NTNG2: variants seen among roughly 807,000 people sequenced by gnomAD.
NTNG2 encodes netrin-G2.
NTNG2 carries 15 observed loss-of-function variants against 47.6 expected under a neutral mutation model. The ratio of observed to expected loss-of-function variants is 0.32; its 90% CI spans 0.21 to 0.49. The LOEUF (loss-of-function observed/expected upper bound fraction) is 0.49, where lower values mean the gene tolerates loss of function less well. NTNG2 is among the 20% of genes least tolerant of loss of function. The pLI is 0.99. For missense variants in NTNG2, 578 were observed against 764.6 expected, an observed-to-expected ratio of 0.76 and a Z score of 2.88; for synonymous variants, 307 against 324.6, an observed-to-expected ratio of 0.95 and a Z score of 0.58.
rs1253592812 is a variant in NTNG2 at position 132,218,609 on chromosome 9, G to T, written c.858-8240G>T. On this transcript the variant is annotated intron_variant, in intron 3 of 7. Coordinates refer to ENST00000393229, the MANE Select transcript of NTNG2 (RefSeq NM_032536.4). This position sits in a 1 kb window ranked among gnomAD's most constrained non-coding sequence, Gnocchi z 5.4. ...CCTGTTGGGTTCAAGCGATCCTCCT[G>T]CCTCAGCCTCCCGAGTAGCTGGGAT... 6.6e-6 allele frequency among the ~76,000 whole-genome samples: 1 copy of T among 152,046 alleles called. No individual in the cohort carries two copies. The highest frequency in any genetic ancestry group is 1.9e-4 in the East Asian group (1 of 5,180).
chr9:132,240,400 G>A (rs957292511), intron 6 of NTNG2, among the ~76,000 whole-genome samples: 16 of 152,340 alleles, frequency 1.1e-4, no homozygotes, highest in Admixed American at 5.9e-4. Context: ...GTTTCTCAGG[G>A]TGGACGATAT....
At chr9:132,174,540 C>G (rs936998944) in intron 2 of NTNG2, among the ~76,000 whole-genome samples, 5 of 152,214 alleles carry the variant, frequency 3.3e-5, no homozygotes, top group African/African-American at 1.2e-4. Flanking sequence ...GGGCATGGCG[C>G]TGGACACAAC....
chr9:132,177,064 A>G (rs1836516850), intron 2 of NTNG2, among the ~76,000 whole-genome samples: 1 of 152,198 alleles, frequency 6.6e-6, no homozygotes, highest in Admixed American at 6.5e-5. Context: ...ATCTTGGCTC[A>G]CTGCAACCTT....
At chr9:132,185,186 G>A (rs1182785130) in intron 2 of NTNG2, among the ~76,000 whole-genome samples, 1 of 152,198 alleles carries the variant, frequency 6.6e-6, no homozygotes, top group Non-Finnish European at 1.5e-5. Context: ...TTCACTCTCA[G>A]CCCATCCGGA....
In NTNG2 at chr9:132,198,391, C is replaced by T. The variant is rs371305436; in HGVS notation, c.639C>T (p.Phe213=). ...AGSKKEKHVR[F]EVRDRFAIFA... is the part of the protein sequence containing the mutation. ...CCAAGAAGGAGAAGCACGTGCGCTTCGAGGTGCGGGACCGCTTCGCCATCT... is the reference window on the plus strand; with the variant it reads ...CCAAGAAGGAGAAGCACGTGCGCTTTGAGGTGCGGGACCGCTTCGCCATCT... The change falls in exon 3 of 8, where the codon TTC becomes TTT. Residue 213 remains phenylalanine, a synonymous_variant. Transcript: ENST00000393229. 14 of 1,613,030 alleles carry T rather than the reference C, an allele frequency of 8.7e-6. No individual in the cohort carries two copies. The highest frequency in any genetic ancestry group is 1.7e-5 in the Admixed American group (1 of 60,010).
At chr9:132,240,501 A>C in intron 6 of NTNG2, 2 of 285,486 alleles carry the variant, frequency 7.0e-6, no homozygotes, top group Non-Finnish European at 1.4e-5. Flanking sequence ...CAAAGGAGCT[A>C]TGGAGGGGGG....
At chr9:132,161,887 G>A (rs1036305741), upstream of NTNG2, 120 of 149,914 alleles carry the variant, frequency 8.0e-4, 1 homozygote, top group African/African-American at 2.8e-3. This position sits in a 1 kb window ranked among gnomAD's most constrained non-coding sequence, Gnocchi z 7.2. Flanking sequence ...GCCCGAGCGC[G>A]GGTCCTCCCC....
intron 2 of NTNG2, among the ~76,000 whole-genome samples, chr9:132,196,183 T>A (rs1838300704): frequency 6.6e-6 from 1 of 152,008 alleles, no homozygotes; most frequent in Non-Finnish European, 1.5e-5. Context: ...TTTTGTTTTG[T>A]TTTTGTTTGT....
rs1838397356 is a variant in NTNG2, at chr9:132,197,470, T to C, written c.214-496T>C. Among the ~76,000 whole-genome samples, 1 of 152,064 alleles carries C rather than the reference T, an allele frequency of 6.6e-6. No individual in the cohort carries two copies. Among genetic ancestry groups the C allele is most frequent in the Non-Finnish European group, 1.5e-5 (1 of 68,004 alleles). On this transcript the variant is annotated intron_variant, in intron 2 of 7. Transcript: ENST00000393229. The surrounding 1 kb of genome is among the most constrained non-coding windows in gnomAD (Gnocchi z 4.3). ...AAGGAGATATTTAGAGAGTCGAGAA[T>C]GTGAATGGGAATTTTTGAGGCGGAC...
At chr9:132,216,122 G>A (rs181447552) in intron 3 of NTNG2, among the ~76,000 whole-genome samples, 10 of 152,204 alleles carry the variant, frequency 6.6e-5, no homozygotes, top group East Asian at 5.8e-4. Context: ...TCTGGCCACC[G>A]CGCTACCTGG....
intron 3 of NTNG2, 33 bp downstream of exon 3, chr9:132,198,642 C>T (rs754709847): frequency 6.1e-5 from 96 of 1,585,018 alleles, no homozygotes; most frequent in Non-Finnish European, 6.9e-5. Context: ...ATGTCACCTG[C>T]AACCTGGGAT....
At chr9:132,193,529 C>T (rs139147768) in intron 2 of NTNG2, among the ~76,000 whole-genome samples, 19 of 152,278 alleles carry the variant, frequency 1.2e-4, no homozygotes, top group African/African-American at 2.9e-4. Context: ...GGAAATGGCA[C>T]AGCTTCAGTG....
At chr9:132,224,286 G>C (rs931230514) in intron 3 of NTNG2, among the ~76,000 whole-genome samples, 1 of 152,090 alleles carries the variant, frequency 6.6e-6, no homozygotes, top group African/African-American at 2.4e-5. Flanking sequence ...GTGTTACAAT[G>C]ATGAGCTAAC....
chr9:132,174,531 G>C (rs1369729249), intron 2 of NTNG2, among the ~76,000 whole-genome samples: 1 of 152,184 alleles, frequency 6.6e-6, no homozygotes, highest in Non-Finnish European at 1.5e-5. Flanking sequence ...TCTGAAACTG[G>C]GCATGGCGCT....
intron 2 of NTNG2, among the ~76,000 whole-genome samples, chr9:132,191,372 T>C (rs10901137): frequency 0.34 from 52,073 of 151,912 alleles, 8,987 homozygotes; most frequent in African/African-American, 0.39. Context: ...TTTGGAGACA[T>C]TTCCTAGGGA....
chr9:132,169,886 G>A (rs1227797513), intron 2 of NTNG2, among the ~76,000 whole-genome samples: 2 of 152,192 alleles, frequency 1.3e-5, no homozygotes, highest in African/African-American at 4.8e-5. Flanking sequence ...GGGACGCCAC[G>A]CCTTGTATTG....
chr9:132,198,103 C>A lies in NTNG2; in HGVS notation c.351C>A (p.Ser117Arg), dbSNP rs747133075. The A allele has an allele frequency of 6.2e-7, 1 of 1,613,904 alleles. No homozygotes were observed. The highest frequency in any genetic ancestry group is 1.7e-5 in the Admixed American group (1 of 60,036). ...WQSITWSRYPSPLEANITLSW... is the reference protein window; with the variant it reads ...WQSITWSRYPRPLEANITLSW... ...GCATCACCTGGAGCCGCTACCCCAG[C>A]CCGCTGGAAGCCAACATCACCCTTT... The change falls in exon 3 of 8, where the codon AGC (serine) becomes AGA (arginine). Residue 117 changes from serine to arginine, a missense_variant. Coordinates refer to ENST00000393229, the MANE Select transcript of NTNG2 (RefSeq NM_032536.4).
chr9:132,188,990 A>G lies in NTNG2; in HGVS notation c.214-8976A>G, dbSNP rs141908420. 5.9e-5 allele frequency among the ~76,000 whole-genome samples: 9 copies of G among 151,622 alleles called. No individual in the cohort carries two copies. The East Asian group carries it at 1.8e-3, about 30-fold the overall frequency. ...CTATGTTAGTGGCTGAGGGCCCATC[A>G]TAACAGACAGATTAATACCACCAAA... is the stretch of plus-strand genomic sequence containing the variant. On this transcript the variant is annotated intron_variant, in intron 2 of 7. Coordinates refer to ENST00000393229, the MANE Select transcript of NTNG2 (RefSeq NM_032536.4).
At chr9:132,239,593 G>A (rs1425475803) in intron 6 of NTNG2, among the ~76,000 whole-genome samples, 1 of 152,258 alleles carries the variant, frequency 6.6e-6, no homozygotes, top group African/African-American at 2.4e-5. Flanking sequence ...GCAGGTGGCA[G>A]GCACTCAGTG....
Sources: gnomAD v4.1 joint callset for allele counts (sites outside exome capture counted in the v4.1 genomes callset) on GRCh38, gnomAD v4.1.1 for gene constraint, Gnocchi (gnomAD v3.1) non-coding constraint, MANE v1.5 for transcripts, NCBI Gene and HGNC (gene_info 2026-07-23, HGNC 2026-07-21) for gene names.